Variants in ACBD5 observed in about 807,000 individuals in gnomAD.
The protein encoded by ACBD5 is acyl-CoA binding domain containing 5, also known as acyl-CoA-binding domain-containing protein 5.
ACBD5 carries 40 observed loss-of-function variants against 71.8 expected under a neutral mutation model. The ratio of observed to expected loss-of-function variants is 0.56; its 90% confidence interval spans 0.43 to 0.72. The LOEUF (loss-of-function observed/expected upper bound fraction) is 0.72, where lower values mean the gene tolerates loss of function less well. ACBD5 is among the 30% of genes least tolerant of loss of function. The pLI, the probability that ACBD5 is intolerant of heterozygous loss-of-function variation, is 0.00. For synonymous variants in ACBD5, 229 were observed against 218.6 expected, an observed-to-expected ratio of 1.05 and a Z score of -0.42; for missense variants, 559 against 644.5, an observed-to-expected ratio of 0.87 and a Z score of 1.44.
chr10:27,186,598 T>G (rs2058767218), intron 13 of ACBD5: 1 of 1,333,550 alleles, frequency 7.5e-7, no homozygotes, highest in Non-Finnish European at 1.1e-6. Context: ...AATTATATAC[T>G]CCTTAATACT....
chr10:27,236,832 C>G (rs891351069), intron 2 of ACBD5, among the ~76,000 whole-genome samples: 1 of 146,380 alleles, frequency 6.8e-6, no homozygotes, highest in African/African-American at 2.5e-5. Context: ...TTGCAGTGAG[C>G]CAAGATCACA....
chr10:27,228,211 A>T (rs1238236977), intron 4 of ACBD5, among the ~76,000 whole-genome samples: 3 of 151,028 alleles, frequency 2.0e-5, no homozygotes, highest in Non-Finnish European at 2.9e-5. Context: ...GACATAAGGC[A>T]CATTATTCAA....
At chr10:27,183,116 T>C (rs778322855) in intron 13 of ACBD5, among the ~76,000 whole-genome samples, 2 of 152,224 alleles carry the variant, frequency 1.3e-5, no homozygotes, top group Non-Finnish European at 2.9e-5. Flanking sequence ...TCATTTTTGA[T>C]ACTATTATTT....
rs761540600 is a variant in ACBD5, at chr10:27,211,064, C to T, written c.954G>A (p.Thr318=). The T allele has an allele frequency of 5.1e-5, 82 of 1,613,914 alleles. No homozygotes were observed. The highest frequency in any genetic ancestry group is 4.3e-4 in the South Asian group (39 of 91,082). The change falls in exon 9 of 13, where the codon ACG becomes ACA. Residue 318 remains threonine, a synonymous_variant. Transcript: ENST00000396271. ...AATACTGAAATGGTCCATTGTTGGA[C>T]GTAAAGCTGTCTAAAGACTACAAAT... ...FGQEESLDSF[T]SNNGPFQYYL...
intron 12 of ACBD5, among the ~76,000 whole-genome samples, chr10:27,200,964 G>A (rs1447096345): frequency 6.7e-6 from 1 of 149,742 alleles, no homozygotes; most frequent in Non-Finnish European, 1.5e-5. Context: ...TTGAGGGCAG[G>A]AGTTCAAGAC....
Position 27,196,227 on chromosome 10 carries a change from C to G in ACBD5, c.*1203G>C, listed in dbSNP as rs760830013. The G allele has an allele frequency of 8.8e-6, 4 of 453,966 alleles. No homozygotes were observed. Among genetic ancestry groups the G allele is most frequent in the South Asian group, 6.2e-5 (4 of 64,474 alleles). 28.1% of individuals were successfully genotyped at this position (453,966 alleles called of 1,614,324 possible). ...AAAAAAAAATTATTTGTTACAAAGA[C>G]TGCATCAAAGAAATCTTCAAAGCAC... On this transcript the variant is annotated 3_prime_UTR_variant, in exon 13 of 13. Transcript: ENST00000396271.
Position 27,223,355 on chromosome 10 carries a change from C to T in ACBD5, c.473G>A (p.Ser158Asn). 1.9e-6 allele frequency: 3 copies of T among 1,613,484 alleles called. No individual in the cohort carries two copies. The highest frequency in any genetic ancestry group is 2.5e-6 in the Non-Finnish European group (3 of 1,179,602). Residue 158 changes from serine (S) to asparagine (N), a missense_variant, in exon 5 of 13, where the codon AGT becomes AAT. Transcript: ENST00000396271. ...AGTCCAACCTGAGGTTATATCAGAA[C>T]TCCTGCCACTCTTTTTGTCCTCGAC... ...EIVEDKKSGR[S>N]SDITSDLGNV...
At chr10:27,204,399 T>C (rs761436209) in intron 12 of ACBD5, 41 bp downstream of exon 12, 13 of 1,455,638 alleles carry the variant, frequency 8.9e-6, no homozygotes, top group Non-Finnish European at 1.3e-5. Flanking sequence ...CTATAGGTTA[T>C]GAGAGTTATA....
intron 10 of ACBD5, among the ~76,000 whole-genome samples, chr10:27,206,254 G>T (rs16927627): frequency 2.0e-5 from 3 of 151,062 alleles, no homozygotes; most frequent in African/African-American, 4.9e-5. Flanking sequence ...TACATCAAAA[G>T]AATTTTAGCA....
rs1589129260 is a variant in ACBD5, at chr10:27,212,868, T to C, written c.937-1787A>G. Among the ~76,000 whole-genome samples the C allele has an allele frequency of 2.0e-5, 3 of 152,164 alleles. No individual in the cohort carries two copies. The East Asian group carries it at 5.8e-4, about 29-fold the overall frequency. ...CCAGCCTACGCCACTCCATTTGTGT[T>C]TGACCTTAAGTAAAAGATATTTTAT... On this transcript the variant is annotated intron_variant, in intron 8 of 12. Transcript: ENST00000396271.
At chr10:27,235,611 A>ACTG (rs2064560199) in intron 2 of ACBD5, among the ~76,000 whole-genome samples, 1 of 152,230 alleles carries the variant, frequency 6.6e-6, no homozygotes, top group South Asian at 2.1e-4. Flanking sequence ...TAAGTGAAAA[A>ACTG]GTTATATGTA....
chr10:27,190,008 G>A (rs1305931364), intron 13 of ACBD5, among the ~76,000 whole-genome samples: 1 of 151,960 alleles, frequency 6.6e-6, no homozygotes, highest in East Asian at 1.9e-4. Context: ...TTTTAGGCTG[G>A]GCATGGTGGC....
intron 4 of ACBD5, 22 bp from the exon 5 acceptor site, chr10:27,223,474 A>G: frequency 1.3e-6 from 2 of 1,551,068 alleles, no homozygotes; most frequent in Non-Finnish European, 1.8e-6. Context: ...AGAAACAAAT[A>G]TTGTGAAATC....
intron 13 of ACBD5, among the ~76,000 whole-genome samples, chr10:27,184,144 T>C: frequency 6.6e-6 from 1 of 152,196 alleles, no homozygotes; most frequent in East Asian, 1.9e-4. Context: ...ACTTACATTC[T>C]AGTGGAAAGA....
At chr10:27,242,069 C>A (rs1022916351), upstream of ACBD5, 13 of 453,366 alleles carry the variant, frequency 2.9e-5, no homozygotes, top group Admixed American at 2.1e-4. Context: ...CTTGGTATTG[C>A]CGGACAAGGC....
At chr10:27,202,719 C>T (rs16916444) in intron 12 of ACBD5, among the ~76,000 whole-genome samples, 9,032 of 151,732 alleles carry the variant, frequency 0.06, 420 homozygotes, top group Admixed American at 0.12. Flanking sequence ...CTTTCTACAA[C>T]GGAAACATGA....
intron 8 of ACBD5, 121 bp downstream of exon 8, chr10:27,215,414 C>CAAA: frequency 2.9e-6 from 2 of 692,176 alleles, no homozygotes; most frequent in South Asian, 3.3e-5. Flanking sequence ...AATGTTTAAA[C>CAAA]ATTTTAGGAG....
intron 4 of ACBD5, among the ~76,000 whole-genome samples, chr10:27,231,422 CAGG>C (rs2138135559): frequency 1.3e-5 from 2 of 152,300 alleles, no homozygotes; most frequent in South Asian, 4.1e-4. Context: ...GAGGCTGTGG[CAGG>C]AGAATTGCTT....
chr10:27,202,031 C>T (rs2059977723), intron 12 of ACBD5, among the ~76,000 whole-genome samples: 1 of 152,082 alleles, frequency 6.6e-6, no homozygotes, highest in African/African-American at 2.4e-5. Flanking sequence ...ATGAGTAGGG[C>T]ACACCCTCTA....
Sources: gnomAD v4.1 joint callset for allele counts (sites outside exome capture counted in the v4.1 genomes callset) on GRCh38, gnomAD v4.1.1 for gene constraint, MANE v1.5 for transcripts, NCBI Gene and HGNC (gene_info 2026-07-23, HGNC 2026-07-21) for gene names.